The following PTPRG variants were observed in gnomAD, a reference collection of about 807,000 sequenced individuals.
PTPRG encodes protein tyrosine phosphatase receptor type G.
PTPRG carries 102 observed loss-of-function variants against 165.3 expected under a neutral mutation model. The ratio of observed to expected loss-of-function variants is 0.62; its 90% CI spans 0.53 to 0.73. The LOEUF is 0.73. PTPRG is among the 30% of genes least tolerant of loss of function. PTPRG has a pLI of 0.00. For synonymous variants in PTPRG, 675 were observed against 669.5 expected, an observed-to-expected ratio of 1.01 and a Z score of -0.13; for missense variants, 1,866 against 1,861.4, an observed-to-expected ratio of 1.00 and a Z score of -0.05.
At chr3:61,692,590 G>T (rs1396418490) in intron 1 of PTPRG, among the ~76,000 whole-genome samples, 1 of 152,168 alleles carries the variant, frequency 6.6e-6, no homozygotes, top group Non-Finnish European at 1.5e-5. Context: ...GGCGAGGTAG[G>T]GGTGGGGCCG....
At chr3:62,137,445 T>C (rs767768180) in intron 6 of PTPRG, among the ~76,000 whole-genome samples, 1 of 152,164 alleles carries the variant, frequency 6.6e-6, no homozygotes, top group African/African-American at 2.4e-5. Flanking sequence ...TGCAGCCCAA[T>C]TTGTTCAACT....
chr3:61,691,241 C>CATCT (rs1004058276), intron 1 of PTPRG, among the ~76,000 whole-genome samples: 5 of 151,998 alleles, frequency 3.3e-5, no homozygotes, highest in African/African-American at 1.2e-4. Context: ...AGAGAGACCC[C>CATCT]ATCTCTACAA....
intron 1 of PTPRG, among the ~76,000 whole-genome samples, chr3:61,660,659 C>T (rs968078210): frequency 4.6e-5 from 7 of 152,066 alleles, no homozygotes; most frequent in Admixed American, 1.3e-4. Context: ...GCACGTGGTT[C>T]AGTATAACAC....
chr3:61,690,415 G>A (rs1332480013), intron 1 of PTPRG, among the ~76,000 whole-genome samples: 2 of 152,160 alleles, frequency 1.3e-5, no homozygotes, highest in Non-Finnish European at 2.9e-5. Flanking sequence ...TGATAGGGAC[G>A]TATTAAATAC....
chr3:61,881,486 C>T (rs989062054), intron 2 of PTPRG, among the ~76,000 whole-genome samples: 4 of 152,092 alleles, frequency 2.6e-5, no homozygotes, highest in South Asian at 2.1e-4. Flanking sequence ...ATGTGCTGGA[C>T]GCTGTTTAGG....
intron 6 of PTPRG, among the ~76,000 whole-genome samples, chr3:62,142,041 C>T (rs1387033308): frequency 1.3e-5 from 2 of 150,920 alleles, no homozygotes; most frequent in African/African-American, 2.4e-5. Context: ...CATTTCACCA[C>T]GATGGGAAAG....
chr3:62,034,830 C>G (rs990560193), intron 4 of PTPRG, among the ~76,000 whole-genome samples: 1 of 152,188 alleles, frequency 6.6e-6, no homozygotes, highest in Admixed American at 6.5e-5. Flanking sequence ...TACTTGGCCA[C>G]CCCCGCAGCC....
intron 1 of PTPRG, among the ~76,000 whole-genome samples, chr3:61,732,156 C>T (rs772790956): frequency 6.6e-6 from 1 of 152,134 alleles, no homozygotes; most frequent in Non-Finnish European, 1.5e-5. Flanking sequence ...TAAAAAGAAA[C>T]AGGTGGAATT....
intron 2 of PTPRG, among the ~76,000 whole-genome samples, chr3:61,793,282 T>G (rs2034943887): frequency 6.6e-6 from 1 of 152,196 alleles, no homozygotes; most frequent in Non-Finnish European, 1.5e-5. Context: ...CCTGGGCTTG[T>G]GGTGTACCTA....
chr3:61,889,948 G>C (rs187009457), intron 2 of PTPRG, among the ~76,000 whole-genome samples: 1 of 152,314 alleles, frequency 6.6e-6, no homozygotes, highest in Admixed American at 6.5e-5. Context: ...ATGATGGGGG[G>C]CATTCTCTCT....
At chr3:62,185,317 G>A (rs1214457237) in intron 8 of PTPRG, among the ~76,000 whole-genome samples, 3 of 152,192 alleles carry the variant, frequency 2.0e-5, no homozygotes, top group Non-Finnish European at 2.9e-5. Context: ...TTAGAGATCC[G>A]GGTGTGGCAC....
At chr3:61,751,028 T>G (rs2033405719) in intron 2 of PTPRG, 1 of 152,008 alleles carries the variant, frequency 6.6e-6, no homozygotes, top group African/African-American at 2.4e-5. Flanking sequence ...ATGGAAAAAA[T>G]AAGAGTAAAA....
At chr3:61,650,878 T>C (rs1702330025) in intron 1 of PTPRG, among the ~76,000 whole-genome samples, 1 of 152,244 alleles carries the variant, frequency 6.6e-6, no homozygotes. Context: ...GTTTACTTTA[T>C]GATGTAAACT....
intron 1 of PTPRG, among the ~76,000 whole-genome samples, chr3:61,663,076 G>T (rs1043546446): frequency 1.3e-5 from 2 of 152,116 alleles, no homozygotes; most frequent in Non-Finnish European, 2.9e-5. Flanking sequence ...TTGAGCACAG[G>T]AATTTGAGAC....
intron 1 of PTPRG, among the ~76,000 whole-genome samples, chr3:61,647,468 TA>T (rs1307493699): frequency 1.3e-5 from 2 of 152,178 alleles, no homozygotes; most frequent in Non-Finnish European, 2.9e-5. Flanking sequence ...GATGATCCTG[TA>T]ATTGTTCAGG....
At chr3:61,723,409 A>G (rs1174286634) in intron 1 of PTPRG, among the ~76,000 whole-genome samples, 1 of 152,038 alleles carries the variant, frequency 6.6e-6, no homozygotes, top group Non-Finnish European at 1.5e-5. Context: ...TATAAATAGG[A>G]TACATGTGCA....
At chr3:61,845,860 T>A (rs1389259680) in intron 2 of PTPRG, among the ~76,000 whole-genome samples, 4 of 152,096 alleles carry the variant, frequency 2.6e-5, no homozygotes, top group Admixed American at 1.3e-4. Flanking sequence ...TGTTTCCTAT[T>A]CTTTTGTGTT....
rs1455685241 is a variant in PTPRG at position 61,944,637 on chromosome 3, G to A, written c.191-44988G>A. 5.9e-5 allele frequency among the ~76,000 whole-genome samples: 9 copies of A among 152,214 alleles called. 1 individual carries two copies. The highest frequency in any genetic ancestry group is 5.2e-4 in the Admixed American group (8 of 15,280). ...GTTCGAGATCGTTGGATTCATTAGGGAATGACTAGGATAGTTGTCAGCCTC... is the reference window on the plus strand; with the variant it reads ...GTTCGAGATCGTTGGATTCATTAGGAAATGACTAGGATAGTTGTCAGCCTC... On this transcript the variant is annotated intron_variant, in intron 2 of 29. Transcript: ENST00000474889.
chr3:61,920,263 T>G (rs2039044768), intron 2 of PTPRG, among the ~76,000 whole-genome samples: 1 of 152,260 alleles, frequency 6.6e-6, no homozygotes, highest in Admixed American at 6.5e-5. Flanking sequence ...CTGTGCCTTC[T>G]GGAGACCATG....
Sources: gnomAD v4.1 joint callset for allele counts (sites outside exome capture counted in the v4.1 genomes callset) on GRCh38, gnomAD v4.1.1 for gene constraint, MANE v1.5 for transcripts, NCBI Gene and HGNC (gene_info 2026-07-23, HGNC 2026-07-21) for gene names.